TRPM5: variants seen among roughly 807,000 people sequenced by gnomAD.
TRPM5 encodes the protein transient receptor potential cation channel subfamily M member 5.
A neutral mutation model predicts 124.9 loss-of-function variants in TRPM5; 121 were observed. The observed-to-expected ratio is 0.97, with a 90% CI of 0.84 to 1.13. The LOEUF is 1.13. Among genes scored for constraint, TRPM5 ranks in the 50% most tolerant of loss-of-function variants. The pLI is 0.00. For missense variants in TRPM5, 1,643 were observed against 1,589.1 expected (o/e 1.03, Z -0.58); for synonymous variants, 781 against 700.5 (o/e 1.11, Z -1.81).
At chr11:2,413,393 C>A (rs1483345292) in intron 13 of TRPM5, 83 bp downstream of exon 18, 7 of 1,383,142 alleles carry the variant, frequency 5.1e-6, no homozygotes, top group Admixed American at 2.5e-5. Flanking sequence ...ACCACCAGCA[C>A]CTGCGAGGCC....
intron 6 of TRPM5, 83 bp from the exon 12 acceptor site, chr11:2,417,912 C>A: frequency 1.5e-6 from 2 of 1,336,154 alleles, no homozygotes; most frequent in Non-Finnish European, 2.1e-6. Context: ...CCAGCGTAGG[C>A]ACAGGCAGCG....
chr11:2,414,803 GC>G lies in TRPM5; in HGVS notation c.1655del (p.Cys552SerfsTer82). The G allele has an allele frequency of 6.3e-7, 1 of 1,581,550 alleles. No homozygotes were observed. The highest frequency in any genetic ancestry group is 1.8e-5 in the Admixed American group (1 of 55,476). Reference sequence around the variant, plus strand: ...GGTGCGACATCTCTTTGAGGATTTTGCAGGCGGCCAGTGCGGCTGCCACACC... The same window carrying G: ...GGTGCGACATCTCTTTGAGGATTTTGAGGCGGCCAGTGCGGCTGCCACACC... On this transcript the variant is annotated frameshift_variant, in exon 11 of 24. Coordinates refer to ENST00000155858, the Ensembl canonical transcript of TRPM5. LOFTEE classifies it high-confidence loss of function.
chr11:2,415,316 G>C (rs373936003), exon 9 of TRPM5: 5 of 1,584,726 alleles, frequency 3.2e-6, no homozygotes, highest in Non-Finnish European at 4.3e-6. Context: ...GCAGGTCGAA[G>C]AGCAGGCTCT....
intron 21 of TRPM5, among the ~76,000 whole-genome samples, chr11:2,406,447 C>T (rs1850324633): frequency 6.6e-6 from 1 of 152,122 alleles, no homozygotes; most frequent in South Asian, 2.1e-4. Flanking sequence ...GCGCCACGGT[C>T]ACTGTGCACG....
rs559711829 is a variant in TRPM5, at chr11:2,410,895, T to C, written c.2782+457A>G. On this transcript the variant is annotated intron_variant, in intron 18 of 23. Transcript: ENST00000155858. The stretch of plus-strand genomic sequence containing the variant: ...GGGTGCCCTAGGCCAAGCAGGGCCC[T>C]GTGGGAGGGCAGAGGCCAGGGGCTG... Among the ~76,000 whole-genome samples the C allele has an allele frequency of 2.0e-5, 3 of 152,224 alleles. No homozygotes were observed. In the East Asian group the frequency reaches 5.8e-4, roughly 29 times the overall value.
the TRPM5 span, among the ~76,000 whole-genome samples, chr11:2,433,707 A>G: frequency 1.3e-5 from 2 of 152,396 alleles, no homozygotes; most frequent in South Asian, 2.1e-4. Flanking sequence ...AGACCTGGAC[A>G]GGGCCTGGGT....
chr11:2,406,190 T>A, intron 21 of TRPM5, 99 bp from the exon 27 acceptor site: 1 of 1,328,146 alleles, frequency 7.5e-7, no homozygotes, highest in Non-Finnish European at 1.1e-6. Flanking sequence ...TGCCCGAGTT[T>A]GGGGTGCCCT....
rs940117519 is a variant in TRPM5, at chr11:2,416,140, G to A, written c.1010-116C>T. 4.5e-6 allele frequency: 3 copies of A among 667,956 alleles called. No homozygotes were observed. The African/African-American group carries it at 5.4e-5, about 12-fold the overall frequency. The allele number at this position is 667,956 out of a possible 1,614,324, so 41.4% of individuals were successfully genotyped here. On this transcript the variant is annotated intron_variant, in intron 7 of 23. Coordinates refer to ENST00000155858, the Ensembl canonical transcript of TRPM5. ...GACGCGGAAACGGGAACTTCACGCTGGGACTTGAGGGGGCACATGCGCCAC... is the reference window on the plus strand; with the variant it reads ...GACGCGGAAACGGGAACTTCACGCTAGGACTTGAGGGGGCACATGCGCCAC...
the TRPM5 span, among the ~76,000 whole-genome samples, chr11:2,441,726 G>A: frequency 6.6e-6 from 1 of 151,854 alleles, no homozygotes; most frequent in African/African-American, 2.4e-5. The surrounding 1 kb of genome is among the most constrained non-coding windows in gnomAD (Gnocchi z 7.2). Context: ...TTTCGCTCTT[G>A]TCACCCAGGC....
At chr11:2,420,125 C>G (rs1231719851) in intron 4 of TRPM5, 97 bp downstream of exon 9, 1 of 1,406,972 alleles carries the variant, frequency 7.1e-7, no homozygotes, top group African/African-American at 1.4e-5. Context: ...GAAGCCCTCC[C>G]CCTTCTCCCT....
rs1003508221 is a variant in TRPM5, at chr11:2,415,175, C to G, written c.1425G>C (p.Gln475His). ...CCTGGTAGAAGCCTCGGCAGGCGTCCTGCAGGAAGTCCTTGAGTACGCGGG... is the reference window on the plus strand; with the variant it reads ...CCTGGTAGAAGCCTCGGCAGGCGTCGTGCAGGAAGTCCTTGAGTACGCGGG... Residue 475 changes from glutamine to histidine, a missense_variant, in exon 9 of 24, where the codon CAG (glutamine) becomes CAC (histidine). Coordinates refer to ENST00000155858, the Ensembl canonical transcript of TRPM5. 5.0e-6 allele frequency: 8 copies of G among 1,584,210 alleles called. No individual in the cohort carries two copies. The Admixed American group carries it at 1.2e-4, about 24-fold the overall frequency.
intron 1 of TRPM5, 40 bp from the exon 7 acceptor site, chr11:2,422,361 G>C: frequency 6.4e-7 from 1 of 1,574,796 alleles, no homozygotes; most frequent in Non-Finnish European, 8.6e-7. Flanking sequence ...TCGGGGCACG[G>C]GGCATGGGAG....
upstream of TRPM5, among the ~76,000 whole-genome samples, chr11:2,425,038 A>G (rs1284622465): frequency 6.6e-6 from 1 of 152,180 alleles, no homozygotes; most frequent in Non-Finnish European, 1.5e-5. Context: ...GACCGCAGAG[A>G]GGCAGGATTT....
At chr11:2,420,297 C>T (rs1336201733) in exon 4 of TRPM5, 1 of 1,612,540 alleles carries the variant, frequency 6.2e-7, no homozygotes, top group Non-Finnish European at 8.5e-7. Flanking sequence ...TCGCCCTTCC[C>T]CGGGGGGCCT....
At chr11:2,430,450 AGTGGTG>A in the TRPM5 span, among the ~76,000 whole-genome samples, 3 of 151,496 alleles carry the variant, frequency 2.0e-5, no homozygotes, top group African/African-American at 7.3e-5. Flanking sequence ...TGGTGATACT[AGTGGTG>A]GTGGTGGTGG....
chr11:2,407,706 C>G, intron 19 of TRPM5, 53 bp downstream of exon 24: 1 of 1,596,904 alleles, frequency 6.3e-7, no homozygotes, highest in Non-Finnish European at 8.5e-7. Context: ...GGGGAATGAC[C>G]CTCTGCTCCC....
At chr11:2,408,806 C>A (rs932456346) in intron 18 of TRPM5, among the ~76,000 whole-genome samples, 1 of 152,210 alleles carries the variant, frequency 6.6e-6, no homozygotes, top group Non-Finnish European at 1.5e-5. Context: ...GACCACATAT[C>A]CCCTCCATAT....
At chr11:2,404,298 G>A (rs1311472830), downstream of TRPM5, among the ~76,000 whole-genome samples, 1 of 152,202 alleles carries the variant, frequency 6.6e-6, no homozygotes, top group African/African-American at 2.4e-5. Context: ...GTGGGGTACA[G>A]TGTTTTCCAG....
At chr11:2,415,244 C>G in exon 9 of TRPM5, 1 of 1,571,340 alleles carries the variant, frequency 6.4e-7, no homozygotes, top group Non-Finnish European at 8.6e-7. Context: ...CGGGTGGCTC[C>G]CGGGCCTGCT....
Sources: allele counts gnomAD v4.1 joint callset (sites outside exome capture counted in the v4.1 genomes callset), GRCh38; gene constraint gnomAD v4.1.1; non-coding constraint Gnocchi (gnomAD v3.1); transcripts MANE v1.5; gene names NCBI Gene and HGNC (gene_info 2026-07-23, HGNC 2026-07-21).